NLGN4X: variants seen among roughly 807,000 people sequenced by gnomAD.
The protein encoded by NLGN4X is neuroligin-4, X-linked.
A neutral mutation model predicts 40.3 loss-of-function variants in NLGN4X; 3 were observed. That is an observed-to-expected ratio of 0.07 (90% CI 0.03 to 0.19). The LOEUF (loss-of-function observed/expected upper bound fraction) is 0.19, where lower values mean the gene tolerates loss of function less well. Ranked by LOEUF, NLGN4X falls within the 10% of genes least tolerant of loss-of-function variation. The pLI, the probability that NLGN4X is intolerant of heterozygous loss-of-function variation, is 1.00. For missense variants in NLGN4X, 382 were observed against 708.3 expected (o/e 0.54, Z 5.23); for synonymous variants, 270 against 306.8 (o/e 0.88, Z 1.25).
chrX:5,948,739 G>GT (rs1569148230), intron 3 of NLGN4X, among the ~76,000 whole-genome samples: 1 of 112,123 alleles, frequency 8.9e-6, no homozygotes, highest in East Asian at 2.8e-4. Context: ...GTTAGCTAAT[G>GT]TTGTGTAACA....
intron 1 of NLGN4X, among the ~76,000 whole-genome samples, chrX:6,215,695 T>C (rs1020217752): frequency 7.2e-5 from 8 of 110,958 alleles, no homozygotes; most frequent in Non-Finnish European, 1.3e-4. Flanking sequence ...ATCATGAGTA[T>C]CCCAACAAAC....
At chrX:5,914,112 G>T (rs1442989069) in intron 3 of NLGN4X, among the ~76,000 whole-genome samples, 1 of 111,924 alleles carries the variant, frequency 8.9e-6, no homozygotes, top group Non-Finnish European at 1.9e-5. Flanking sequence ...CATTTAGTTA[G>T]TATGGTTATT....
chrX:5,896,204 G>A (rs1014453481), intron 5 of NLGN4X, among the ~76,000 whole-genome samples: 2 of 111,621 alleles, frequency 1.8e-5, no homozygotes, highest in East Asian at 2.8e-4. Flanking sequence ...GGGTATATTT[G>A]AAAGGTAAAG....
intron 1 of NLGN4X, among the ~76,000 whole-genome samples, chrX:6,215,278 T>G (rs971064277): frequency 2.7e-5 from 3 of 111,320 alleles, no homozygotes; most frequent in Non-Finnish European, 5.7e-5. Context: ...CGGCCGGGCA[T>G]GGTGGCTCAC....
chrX:6,085,078 G>A (rs1331607595), intron 2 of NLGN4X, among the ~76,000 whole-genome samples: 1 of 108,575 alleles, frequency 9.2e-6, no homozygotes, highest in Non-Finnish European at 1.9e-5. Context: ...ACCCTTAGCT[G>A]AGAAACAACA....
At chrX:6,046,682 G>A (rs1274532880) in intron 2 of NLGN4X, among the ~76,000 whole-genome samples, 1 of 110,175 alleles carries the variant, frequency 9.1e-6, no homozygotes, top group Non-Finnish European at 1.9e-5. Flanking sequence ...CGATTATATG[G>A]TCAGCTTTTA....
intron 3 of NLGN4X, among the ~76,000 whole-genome samples, chrX:5,916,513 A>G (rs1246673406): frequency 9.0e-6 from 1 of 111,308 alleles, no homozygotes; most frequent in Non-Finnish European, 1.9e-5. Context: ...GCAGTGGTGC[A>G]ATCTCAGCTC....
At chrX:6,042,378 T>G (rs2037180918) in intron 2 of NLGN4X, among the ~76,000 whole-genome samples, 2 of 108,931 alleles carry the variant, frequency 1.8e-5, no homozygotes, top group South Asian at 8.0e-4. Flanking sequence ...CACTTTTTGT[T>G]GCAAATTTTA....
chrX:6,174,015 GC>G (rs1222299647), intron 1 of NLGN4X, among the ~76,000 whole-genome samples: 1 of 111,196 alleles, frequency 9.0e-6, no homozygotes, highest in Non-Finnish European at 1.9e-5. Flanking sequence ...CCGAGATGGT[GC>G]TACTGCACTC....
intron 1 of NLGN4X, among the ~76,000 whole-genome samples, chrX:6,193,182 G>C (rs1218342742): frequency 9.0e-6 from 1 of 111,108 alleles, no homozygotes; most frequent in Non-Finnish European, 1.9e-5. Context: ...AGCACTCTGG[G>C]AGGCCGAGGT....
chrX:5,927,352 GTAGCA>G (rs1339172234), intron 3 of NLGN4X, among the ~76,000 whole-genome samples: 3 of 111,998 alleles, frequency 2.7e-5, no homozygotes, highest in Non-Finnish European at 5.6e-5. Context: ...TGTACTTTCT[GTAGCA>G]TATCTCAGAA....
chrX:6,172,163 C>T (rs991856297), intron 1 of NLGN4X, among the ~76,000 whole-genome samples: 43 of 111,571 alleles, frequency 3.9e-4, no homozygotes, highest in African/African-American at 1.3e-3. Context: ...AATGCAAGAA[C>T]GGCCTAATAC....
intron 5 of NLGN4X, among the ~76,000 whole-genome samples, chrX:5,902,851 T>C (rs898114216): frequency 4.4e-5 from 5 of 112,703 alleles, no homozygotes; most frequent in African/African-American, 1.6e-4. Flanking sequence ...TTTACTCCTA[T>C]AACACTTTAG....
intron 2 of NLGN4X, among the ~76,000 whole-genome samples, chrX:6,146,107 C>A (rs190659316): frequency 9.3e-6 from 1 of 107,053 alleles, no homozygotes; most frequent in East Asian, 2.9e-4. Flanking sequence ...AGAGCAAGAT[C>A]CTGTTTCTAA....
chrX:5,992,258 T>C (rs760637439), intron 3 of NLGN4X, among the ~76,000 whole-genome samples: 1 of 112,294 alleles, frequency 8.9e-6, no homozygotes, highest in Admixed American at 9.5e-5. Flanking sequence ...ACTTGTACAA[T>C]GTCTTACTCC....
intron 2 of NLGN4X, among the ~76,000 whole-genome samples, chrX:6,059,174 T>C (rs1458395749): frequency 2.7e-5 from 3 of 112,197 alleles, no homozygotes; most frequent in Non-Finnish European, 5.6e-5. Flanking sequence ...TTGATTTTCT[T>C]TGCAGCTGTA....
chrX:5,970,686 G>A (rs2034997335), intron 3 of NLGN4X, among the ~76,000 whole-genome samples: 1 of 111,869 alleles, frequency 8.9e-6, no homozygotes, highest in Non-Finnish European at 1.9e-5. Context: ...GCCTACCCAT[G>A]TGCTTTTATT....
intron 2 of NLGN4X, 79 bp downstream of exon 2, chrX:6,150,916 G>A: frequency 2.5e-6 from 2 of 797,276 alleles, no homozygotes; most frequent in Non-Finnish European, 3.9e-6. Flanking sequence ...TCATGCATGA[G>A]ACATTATAAA....
chrX:6,223,380 C>G (rs1925878569), intron 1 of NLGN4X, among the ~76,000 whole-genome samples: 1 of 111,568 alleles, frequency 9.0e-6, no homozygotes, highest in Admixed American at 9.5e-5. Flanking sequence ...CAACCTTCCA[C>G]TCCCGTAATG....
Sources: allele counts gnomAD v4.1 joint callset (sites outside exome capture counted in the v4.1 genomes callset), GRCh38; gene constraint gnomAD v4.1.1; transcripts MANE v1.5; gene names NCBI Gene and HGNC (gene_info 2026-07-23, HGNC 2026-07-21).